DAB2: variants seen among roughly 807,000 people sequenced by gnomAD.
The protein encoded by DAB2 is DAB adaptor protein 2, also known as disabled homolog 2.
A neutral mutation model predicts 71.6 loss-of-function variants in DAB2; 28 were observed. The observed-to-expected ratio is 0.39, with a 90% CI of 0.29 to 0.54. The LOEUF is 0.54. Ranked by LOEUF, DAB2 falls within the 20% of genes least tolerant of loss-of-function variation. The pLI, the probability that DAB2 is intolerant of heterozygous loss-of-function variation, is 0.68. For missense variants in DAB2, 867 were observed against 928.8 expected, an observed-to-expected ratio of 0.93 and a Z score of 0.86; for synonymous variants, 345 against 339.7, an observed-to-expected ratio of 1.02 and a Z score of -0.17.
intron 1 of DAB2, among the ~76,000 whole-genome samples, chr5:39,400,599 T>C (rs35203560): frequency 0.19 from 29,067 of 152,082 alleles, 3,251 homozygotes; most frequent in Non-Finnish European, 0.24. Flanking sequence ...CCATAAGCCA[T>C]TGGGCTCAAA....
At chr5:39,420,444 ATG>A (rs141593987) in intron 1 of DAB2, among the ~76,000 whole-genome samples, 5,048 of 152,198 alleles carry the variant, frequency 0.033, 105 homozygotes, top group Middle Eastern at 0.044. Context: ...CCTTTACTCT[ATG>A]GTTACCTGAA....
At chr5:39,380,054 G>A (rs574121396) in intron 11 of DAB2, among the ~76,000 whole-genome samples, 1 of 152,338 alleles carries the variant, frequency 6.6e-6, no homozygotes, top group Non-Finnish European at 1.5e-5. Flanking sequence ...GCTCTGTGAT[G>A]TGATCTCGCT....
chr5:39,404,657 C>T (rs1249964776), intron 1 of DAB2, among the ~76,000 whole-genome samples: 1 of 151,908 alleles, frequency 6.6e-6, no homozygotes, highest in Admixed American at 6.5e-5. Context: ...CAGCTCACTG[C>T]AACCTCCACC....
At chr5:39,416,278 T>C (rs915710164) in intron 1 of DAB2, among the ~76,000 whole-genome samples, 2 of 152,076 alleles carry the variant, frequency 1.3e-5, no homozygotes, top group Admixed American at 6.6e-5. Flanking sequence ...AACAAACAAC[T>C]CTTTATGGGA....
intron 9 of DAB2, among the ~76,000 whole-genome samples, chr5:39,386,565 GTTAGT>G (rs1368742640): frequency 1.3e-5 from 2 of 152,054 alleles, no homozygotes; most frequent in African/African-American, 2.4e-5. Flanking sequence ...TTACTTTATT[GTTAGT>G]TTAACTAAAA....
chr5:39,391,978 A>AT (rs1459696737), intron 4 of DAB2, among the ~76,000 whole-genome samples: 16 of 119,424 alleles, frequency 1.3e-4, no homozygotes, highest in African/African-American at 4.0e-4. Flanking sequence ...AAAAAAAAAA[A>AT]AAAATATATA....
chr5:39,383,119 A>G lies in DAB2; in HGVS notation c.840T>C (p.Phe280=), dbSNP rs759859695. ...PQASFLPENA[F]SANLNFFPTP... The stretch of plus-strand genomic sequence containing the variant: ...TGGGAAAGAAGTTGAGATTGGCAGA[A>G]AAGGCATTTTCAGGCAAGAAGGATG... The change falls in exon 10 of 15, where the codon TTT becomes TTC. Residue 280 remains phenylalanine (F), a synonymous_variant. Transcript: ENST00000320816. The G allele has an allele frequency of 1.3e-5, 21 of 1,614,052 alleles. No individual in the cohort carries two copies. The South Asian group carries it at 2.0e-4, about 15-fold the overall frequency.
At position 39,392,678 on chromosome 5, in the gene DAB2, C is replaced by T. The variant is rs1222106369; in HGVS notation, c.232-215G>A. 2.0e-5 allele frequency among the ~76,000 whole-genome samples: 3 copies of T among 152,162 alleles called. No homozygotes were observed. The East Asian group carries it at 5.8e-4, about 29-fold the overall frequency. ...GCTGTGCGAACTCGGACAAGTCACT[C>T]TAATTCTCTTGGCCTCAGAATAGTC... On this transcript the variant is annotated intron_variant, in intron 3 of 14. Transcript: ENST00000320816.
chr5:39,377,082 C>A lies in DAB2; in HGVS notation c.1705G>T (p.Val569Leu). Residue 569 changes from valine to leucine, a missense_variant, in exon 12 of 15, where the codon GTG becomes TTG. By Grantham distance (32) the Val-to-Leu change is conservative. Coordinates refer to ENST00000320816, the MANE Select transcript of DAB2 (RefSeq NM_001343.4). Reference sequence around the variant, plus strand: ...GCAGAAGGGCCCCAGACAACAGGCACTGGAGGGGGAGTTGAGGCTGCAAAG... The same window carrying A: ...GCAGAAGGGCCCCAGACAACAGGCAATGGAGGGGGAGTTGAGGCTGCAAAG... Reference protein sequence around the residue: ...SPFAASTPPPVPVVWGPSASV... With the variant: ...SPFAASTPPPLPVVWGPSASV... 6.2e-7 allele frequency: 1 copy of A among 1,614,150 alleles called. No individual in the cohort carries two copies. Among genetic ancestry groups the A allele is most frequent in the Non-Finnish European group, 8.5e-7 (1 of 1,180,016 alleles).
At chr5:39,377,562 T>C (rs555917292) in intron 11 of DAB2, among the ~76,000 whole-genome samples, 4 of 152,292 alleles carry the variant, frequency 2.6e-5, no homozygotes, top group African/African-American at 9.6e-5. Context: ...TCCATAAGTA[T>C]CTACTCATCA....
At chr5:39,401,276 AAGCCCGAGTCAATG>A (rs1379155322) in intron 1 of DAB2, among the ~76,000 whole-genome samples, 1 of 152,218 alleles carries the variant, frequency 6.6e-6, no homozygotes, top group Admixed American at 6.5e-5. Context: ...CTAACAAAAC[AAGCCCGAGTCAATG>A]AGCTATCCAC....
At chr5:39,377,386 C>T (rs552575572) in intron 11 of DAB2, 104 bp from the exon 12 acceptor site, 4 of 1,169,000 alleles carry the variant, frequency 3.4e-6, no homozygotes, top group Non-Finnish European at 4.9e-6. Flanking sequence ...CAGCTAACAC[C>T]TCCATTGAGC....
chr5:39,386,125 A>T (rs1579906105), intron 9 of DAB2, among the ~76,000 whole-genome samples: 1 of 152,274 alleles, frequency 6.6e-6, no homozygotes, highest in African/African-American at 2.4e-5. Flanking sequence ...AGTGGTTGTT[A>T]AAGTTGCAGA....
At chr5:39,411,886 A>C (rs1390657251) in intron 1 of DAB2, among the ~76,000 whole-genome samples, 4 of 152,142 alleles carry the variant, frequency 2.6e-5, no homozygotes, top group African/African-American at 7.2e-5. Flanking sequence ...TAATTAACAT[A>C]CTACAGAAGC....
chr5:39,377,248 T>C lies in DAB2; in HGVS notation c.1539A>G (p.Pro513=), dbSNP rs530267832. Residue 513 remains proline, a synonymous_variant, in exon 12 of 15, where the codon CCA becomes CCG. Coordinates refer to ENST00000320816, the MANE Select transcript of DAB2 (RefSeq NM_001343.4). ...TGAAGACCAAAGATGCTGTGTTCCA[T>C]GGTCCTGCCTGAGGGAGTGTGACAG... is the stretch of plus-strand genomic sequence containing the variant. ...GVTVTLPQAG[P]WNTASLVFNQ... The C allele has an allele frequency of 2.8e-5, 45 of 1,614,006 alleles. No homozygotes were observed. The highest frequency in any genetic ancestry group is 3.5e-5 in the Non-Finnish European group (41 of 1,179,938).
At chr5:39,378,529 G>A (rs766580824) in intron 11 of DAB2, among the ~76,000 whole-genome samples, 16 of 152,162 alleles carry the variant, frequency 1.1e-4, no homozygotes, top group Admixed American at 6.5e-4. Context: ...TTATATCTTC[G>A]AGCTTCTTAG....
chr5:39,380,487 A>G (rs965280856), intron 11 of DAB2, among the ~76,000 whole-genome samples: 2 of 152,196 alleles, frequency 1.3e-5, no homozygotes, highest in Non-Finnish European at 2.9e-5. Flanking sequence ...CCTCGTCTAC[A>G]GTCCTCCACC....
chr5:39,423,077 G>C (rs1236913979), intron 1 of DAB2, among the ~76,000 whole-genome samples: 2 of 152,164 alleles, frequency 1.3e-5, no homozygotes, highest in Admixed American at 1.3e-4. Flanking sequence ...ACTTATTCTG[G>C]TTATACATTA....
intron 1 of DAB2, among the ~76,000 whole-genome samples, chr5:39,397,681 C>G (rs1755398674): frequency 6.6e-6 from 1 of 152,152 alleles, no homozygotes; most frequent in Non-Finnish European, 1.5e-5. Flanking sequence ...TAAGGCTAAT[C>G]TGTTTTGATT....
Sources: allele counts gnomAD v4.1 joint callset (sites outside exome capture counted in the v4.1 genomes callset), GRCh38; gene constraint gnomAD v4.1.1; transcripts MANE v1.5; gene names NCBI Gene and HGNC (gene_info 2026-07-23, HGNC 2026-07-21).